The following CUL7 variants were observed in gnomAD, a reference collection of about 807,000 sequenced individuals.
The protein encoded by CUL7 is cullin 7.
CUL7 carries 96 observed loss-of-function variants against 177.7 expected under a neutral mutation model. The ratio of observed to expected loss-of-function variants is 0.54; its 90% confidence interval spans 0.46 to 0.64. CUL7 has a LOEUF of 0.64. CUL7 is among the 30% of genes least tolerant of loss of function. The pLI is 0.00. For missense variants in CUL7, 1,893 were observed against 2,187.9 expected (o/e 0.87, Z 2.69); for synonymous variants, 824 against 890.2 (o/e 0.93, Z 1.32).
In CUL7 at chr6:43,048,395, AGGAAGGGCTGC is replaced by A. The variant is rs779696060; in HGVS notation, c.1989_1999del (p.Gln664GlyfsTer12). The A allele has an allele frequency of 6.2e-7, 1 of 1,613,802 alleles. No homozygotes were observed. The highest frequency in any genetic ancestry group is 2.2e-5 in the East Asian group (1 of 44,876). Reference sequence around the variant, plus strand: ...AGTGTCCAGGCTCTGCATCAGTGCCAGGAAGGGCTGCGGCTGCCGCTGCAGCTGCAGCAGGA... The same window carrying A: ...AGTGTCCAGGCTCTGCATCAGTGCCAGGCTGCCGCTGCAGCTGCAGCAGGA... On this transcript the variant is annotated frameshift_variant, in exon 8 of 26. Transcript: ENST00000265348. LOFTEE classifies it high-confidence loss of function.
At position 43,049,364 on chromosome 6, in the gene CUL7, G is replaced by GC. The variant is rs1561891057; in HGVS notation, c.1825+42dup. Reference sequence around the variant, plus strand: ...GCACAGACATCTCTCCTGTGCTACTGCCCTGAAGGTGTGTCAGCTCAGCTG... The same window carrying GC: ...GCACAGACATCTCTCCTGTGCTACTGCCCCTGAAGGTGTGTCAGCTCAGCTG... On this transcript the variant is annotated intron_variant, in intron 7 of 25. Transcript: ENST00000265348. 3 of 1,613,486 alleles carry GC rather than the reference G, an allele frequency of 1.9e-6. No individual in the cohort carries two copies. The Admixed American group carries it at 5.0e-5, about 27-fold the overall frequency.
At position 43,045,384 on chromosome 6, in the gene CUL7, T is replaced by C. The variant is rs760102227; in HGVS notation, c.2881A>G (p.Ile961Val). 3 of 1,614,206 alleles carry C rather than the reference T, an allele frequency of 1.9e-6. No individual in the cohort carries two copies. The highest frequency in any genetic ancestry group is 2.2e-5 in the South Asian group (2 of 91,088). Reference protein sequence around the residue: ...RCQQGGIDTRIRGLEILGPKP... With the variant: ...RCQQGGIDTRVRGLEILGPKP... ...GGGCCTAGGATCTCTAACCCCCGAA[T>C]GCGCGTATCAATGCCACCCTGAAAC... Residue 961 changes from isoleucine (I) to valine (V), a missense_variant, in exon 15 of 26, where the codon ATT (isoleucine) becomes GTT (valine). Physicochemically the swap from Ile to Val is conservative, Grantham distance 29. Transcript: ENST00000265348. The surrounding 1 kb of genome is among the most constrained non-coding windows in gnomAD (Gnocchi z 4.8).
Position 43,037,799 on chromosome 6 carries a change from T to C in CUL7, c.4986A>G (p.Pro1662=). The part of the protein sequence containing the change: ...VMEPHTESLN[P]GSSGPNPPLT... ...GGGGTGGGTTGGGGCCTGAGGAGCC[T>C]GGGTTCAGGGACTCAGTGTGAGGCT... The change falls in exon 26 of 26, where the codon CCA becomes CCG. Residue 1662 remains proline (P), a synonymous_variant. Coordinates refer to ENST00000265348, the MANE Select transcript of CUL7 (RefSeq NM_014780.5). 1 of 1,606,366 alleles carries C rather than the reference T, an allele frequency of 6.2e-7. No homozygotes were observed. Among genetic ancestry groups the C allele is most frequent in the South Asian group, 1.1e-5 (1 of 89,734 alleles).
Position 43,045,766 on chromosome 6 carries a change from C to T in CUL7, c.2767-84G>A. 6.8e-7 allele frequency: 1 copy of T among 1,463,198 alleles called. No individual in the cohort carries two copies. The allele number at this position is 1,463,198 out of a possible 1,614,324, so 90.6% of individuals were successfully genotyped here. ...GCTCCAGTCCCCTCACTGTTTCCCT[C>T]CCTTCCCCAGCCCTGGGATGTGTAG... On this transcript the variant is annotated intron_variant, in intron 13 of 25. Coordinates refer to ENST00000265348, the MANE Select transcript of CUL7 (RefSeq NM_014780.5). This position sits in a 1 kb window ranked among gnomAD's most constrained non-coding sequence, Gnocchi z 4.8.
Position 43,048,571 on chromosome 6 carries a change from T to C in CUL7, c.1826-2A>G. On this transcript the variant is annotated splice_acceptor_variant, in intron 7 of 25. Coordinates refer to ENST00000265348, the MANE Select transcript of CUL7 (RefSeq NM_014780.5). LOFTEE classifies it high-confidence loss of function. ...GACTCTGAGATGGGGGTTCTTTTGC[T>C]ACAGGAAGGGGACAGTCACAGGAGT... 1 of 1,609,928 alleles carries C rather than the reference T, an allele frequency of 6.2e-7. No individual in the cohort carries two copies. Among genetic ancestry groups the C allele is most frequent in the East Asian group, 2.2e-5 (1 of 44,850 alleles).
At chr6:43,042,323 T>G (rs1763502809) in intron 19 of CUL7, among the ~76,000 whole-genome samples, 1 of 151,762 alleles carries the variant, frequency 6.6e-6, no homozygotes, top group African/African-American at 2.4e-5. Context: ...TCATCAATTG[T>G]GGGGGGTTTT....
Position 43,040,807 on chromosome 6 carries a change from A to C in CUL7, c.3807-61T>G. The stretch of plus-strand genomic sequence containing the variant: ...GGGCACCAGTGTGGCCCAGCCTCCC[A>C]CTCCAAGGCTCCAGCCTGCCTCTAT... On this transcript the variant is annotated intron_variant, in intron 20 of 25. Transcript: ENST00000265348. This position sits in a 1 kb window ranked among gnomAD's most constrained non-coding sequence, Gnocchi z 4.2. 6.2e-7 allele frequency: 1 copy of C among 1,603,310 alleles called. No homozygotes were observed. The highest frequency in any genetic ancestry group is 1.1e-5 in the South Asian group (1 of 90,702).
chr6:43,046,048 G>A lies in CUL7; in HGVS notation c.2704C>T (p.Pro902Ser). ...CCCCCGCACACCACCACTCGGGCCG[G>A]CATGTAACTCGAGTCCTCACTAGCC... ...LVASEDSSYMPARVVVCGGDS... is the reference protein window; with the variant it reads ...LVASEDSSYMSARVVVCGGDS... The change falls in exon 13 of 26, where the codon CCG becomes TCG. Residue 902 changes from proline to serine, a missense_variant. This residue lies in a region of CUL7 where 973 missense variants were observed against 1,140.9 expected (regional missense o/e 0.85). Transcript: ENST00000265348. 1.2e-6 allele frequency: 2 copies of A among 1,614,192 alleles called. No individual in the cohort carries two copies. The highest frequency in any genetic ancestry group is 1.3e-5 in the African/African-American group (1 of 75,040).
At chr6:43,048,303 A>G (rs1764094246) in intron 8 of CUL7, 29 bp downstream of exon 8, 2 of 1,594,524 alleles carry the variant, frequency 1.3e-6, no homozygotes, top group Non-Finnish European at 8.6e-7. Flanking sequence ...CTTTGCCCTC[A>G]GAGATCCCAC....
chr6:43,051,675 T>C lies in CUL7; in HGVS notation c.669A>G (p.Ala223=), dbSNP rs1420551000. 1 of 1,614,048 alleles carries C rather than the reference T, an allele frequency of 6.2e-7. No homozygotes were observed. The highest frequency in any genetic ancestry group is 1.3e-5 in the African/African-American group (1 of 74,906). The part of the protein sequence containing the change: ...LDFDSRCALL[A]LFAQATLSEH... Reference sequence around the variant, plus strand: ...CAGAGAGCGTGGCCTGTGCAAACAGTGCTAGCAGAGCACAGCGGCTGTCAA... The same window carrying C: ...CAGAGAGCGTGGCCTGTGCAAACAGCGCTAGCAGAGCACAGCGGCTGTCAA... Residue 223 remains alanine (A), a synonymous_variant, in exon 3 of 26, where the codon GCA becomes GCG. Transcript: ENST00000265348. This position sits in a 1 kb window ranked among gnomAD's most constrained non-coding sequence, Gnocchi z 5.0.
In CUL7 at chr6:43,043,453, C is replaced by G; in HGVS notation, c.3350G>C (p.Arg1117Pro). 1.9e-6 allele frequency: 3 copies of G among 1,613,780 alleles called. No homozygotes were observed. The highest frequency in any genetic ancestry group is 1.7e-4 in the Middle Eastern group (1 of 5,984). ...EAPPPVVATP[R>P]PKGRNRSHDW... Reference sequence around the variant, plus strand: ...CCTGAATCTCCACTACTCACTGGGCCGAGGAGTGGCCACCACAGGAGGGGG... The same window carrying G: ...CCTGAATCTCCACTACTCACTGGGCGGAGGAGTGGCCACCACAGGAGGGGG... Residue 1117 changes from arginine to proline, a missense_variant, in exon 17 of 26, where the codon CGG becomes CCG. Physicochemically the swap from Arg to Pro is moderately radical, Grantham distance 103. Transcript: ENST00000265348. The surrounding 1 kb of genome is among the most constrained non-coding windows in gnomAD (Gnocchi z 4.2).
In CUL7 at chr6:43,043,497, A is replaced by G; in HGVS notation, c.3306T>C (p.His1102=). 1 of 1,614,084 alleles carries G rather than the reference A, an allele frequency of 6.2e-7. No individual in the cohort carries two copies. The highest frequency in any genetic ancestry group is 1.3e-5 in the African/African-American group (1 of 75,042). ...RVRRLTHLLV[H]VEPCEAPPPV... ...GAGGGGGTGCCTCACAGGGCTCGAC[A>G]TGCACCAGCAGGTGAGTGAGACGGC... The change falls in exon 17 of 26, where the codon CAT becomes CAC. Residue 1102 remains histidine (H), a synonymous_variant. Transcript: ENST00000265348. The surrounding 1 kb of genome is among the most constrained non-coding windows in gnomAD (Gnocchi z 4.2).
rs1160245786 is a variant in CUL7, at chr6:43,045,413, C to T, written c.2863-11G>A. The T allele has an allele frequency of 3.7e-6, 6 of 1,614,066 alleles. No homozygotes were observed. In the African/African-American group the frequency reaches 4.0e-5, roughly 11 times the overall value. On this transcript the variant is annotated splice_polypyrimidine_tract_variant and intron_variant, in intron 14 of 25. Transcript: ENST00000265348. The surrounding 1 kb of genome is among the most constrained non-coding windows in gnomAD (Gnocchi z 4.8). The stretch of plus-strand genomic sequence containing the variant: ...CGTATCAATGCCACCCTGAAACACA[C>T]ACAGGACTATCTTCACTCGCTCCAC...
chr6:43,040,121 TC>T lies in CUL7; in HGVS notation c.4294+34del. 6.2e-7 allele frequency: 1 copy of T among 1,613,290 alleles called. No individual in the cohort carries two copies. The highest frequency in any genetic ancestry group is 1.1e-5 in the South Asian group (1 of 90,984). Reference sequence around the variant, plus strand: ...GGTCCTTTCCTAGCAGCCCACCCTCTCCCCAGTCCCCAGTCCCTCTGCCTGG... The same window carrying T: ...GGTCCTTTCCTAGCAGCCCACCCTCTCCCAGTCCCCAGTCCCTCTGCCTGG... On this transcript the variant is annotated intron_variant, in intron 22 of 25. Coordinates refer to ENST00000265348, the MANE Select transcript of CUL7 (RefSeq NM_014780.5). This position sits in a 1 kb window ranked among gnomAD's most constrained non-coding sequence, Gnocchi z 4.2.
In CUL7 at chr6:43,050,847, T is replaced by C; in HGVS notation, c.1233+121A>G. The C allele has an allele frequency of 7.7e-7, 1 of 1,302,142 alleles. No individual in the cohort carries two copies. Among genetic ancestry groups the C allele is most frequent in the South Asian group, 1.3e-5 (1 of 78,274 alleles). 80.7% of individuals were successfully genotyped at this position (1,302,142 alleles called of 1,614,324 possible). On this transcript the variant is annotated intron_variant, in intron 4 of 25. Coordinates refer to ENST00000265348, the MANE Select transcript of CUL7 (RefSeq NM_014780.5). This position sits in a 1 kb window ranked among gnomAD's most constrained non-coding sequence, Gnocchi z 4.1. ...CTCAACTACTGACTCTTTTCACCAT[T>C]CCAATCTTACCTAAAGCTTTCTCTT...
intron 22 of CUL7, among the ~76,000 whole-genome samples, chr6:43,039,558 G>T (rs1561872692): frequency 6.6e-6 from 1 of 152,006 alleles, no homozygotes; most frequent in Non-Finnish European, 1.5e-5. Context: ...AACAGAAAAA[G>T]CAATGGTCTG....
chr6:43,039,538 C>T (rs1047677573), intron 22 of CUL7, among the ~76,000 whole-genome samples: 52 of 152,108 alleles, frequency 3.4e-4, no homozygotes, highest in African/African-American at 1.1e-3. Context: ...ATTCCCAGGT[C>T]TTATTTTAGA....
intron 9 of CUL7, among the ~76,000 whole-genome samples, chr6:43,047,324 A>G (rs979138759): frequency 6.6e-6 from 1 of 152,150 alleles, no homozygotes; most frequent in Non-Finnish European, 1.5e-5. Context: ...AGGGCACAAG[A>G]TGCCCTGCTA....
At position 43,040,811 on chromosome 6, in the gene CUL7, C is replaced by T; in HGVS notation, c.3807-65G>A. 6.2e-7 allele frequency: 1 copy of T among 1,603,640 alleles called. No homozygotes were observed. The highest frequency in any genetic ancestry group is 8.5e-7 in the Non-Finnish European group (1 of 1,171,190). Reference sequence around the variant, plus strand: ...ACCAGTGTGGCCCAGCCTCCCACTCCAAGGCTCCAGCCTGCCTCTATCCCA... The same window carrying T: ...ACCAGTGTGGCCCAGCCTCCCACTCTAAGGCTCCAGCCTGCCTCTATCCCA... On this transcript the variant is annotated intron_variant, in intron 20 of 25. Transcript: ENST00000265348. This position sits in a 1 kb window ranked among gnomAD's most constrained non-coding sequence, Gnocchi z 4.2.
Sources: gnomAD v4.1 joint callset for allele counts (sites outside exome capture counted in the v4.1 genomes callset) on GRCh38, gnomAD v4.1.1 for gene constraint, gnomAD v4.1.1 regional missense constraint, Gnocchi (gnomAD v3.1) non-coding constraint, MANE v1.5 for transcripts, NCBI Gene and HGNC (gene_info 2026-07-23, HGNC 2026-07-21) for gene names.